NPAS3: variants seen among roughly 807,000 people sequenced by gnomAD.
The protein encoded by NPAS3 is neuronal PAS domain-containing protein 3.
In NPAS3, 14 loss-of-function variants were observed where a neutral mutation model predicts 73.1. The ratio of observed to expected loss-of-function variants is 0.19; its 90% confidence interval spans 0.13 to 0.30. The LOEUF is 0.30. NPAS3 is among the 10% of genes least tolerant of loss of function. The pLI, the probability that NPAS3 is intolerant of heterozygous loss-of-function variation, is 1.00. For synonymous variants in NPAS3, 620 were observed against 541.5 expected, an observed-to-expected ratio of 1.14 and a Z score of -2.01; for missense variants, 1,096 against 1,250.0, an observed-to-expected ratio of 0.88 and a Z score of 1.86.
intron 2 of NPAS3, among the ~76,000 whole-genome samples, chr14:33,164,854 TC>T (rs2045062218): frequency 6.7e-6 from 1 of 150,044 alleles, no homozygotes; most frequent in African/African-American, 2.5e-5. Context: ...TTTTTTTTTT[TC>T]CTGTCAATTC....
At chr14:33,574,071 A>G (rs929756525) in intron 5 of NPAS3, among the ~76,000 whole-genome samples, 8 of 152,214 alleles carry the variant, frequency 5.3e-5, no homozygotes, top group Non-Finnish European at 8.8e-5. Context: ...TCAGAGCTCA[A>G]GAGAGGTTGG....
At chr14:33,126,083 T>G (rs951477803) in intron 2 of NPAS3, among the ~76,000 whole-genome samples, 1 of 152,198 alleles carries the variant, frequency 6.6e-6, no homozygotes, top group African/African-American at 2.4e-5. Flanking sequence ...AACTGGCAAC[T>G]TTAAGAGCCC....
intron 8 of NPAS3, 82 bp from the exon 9 acceptor site, chr14:33,778,384 A>T: frequency 1.0e-6 from 1 of 982,940 alleles, no homozygotes; most frequent in Non-Finnish European, 1.6e-6. Context: ...GAAATGTGTC[A>T]GTAGAACTGT....
chr14:33,061,001 G>A (rs2041077015), intron 2 of NPAS3, among the ~76,000 whole-genome samples: 1 of 152,204 alleles, frequency 6.6e-6, no homozygotes, highest in African/African-American at 2.4e-5. Context: ...AACCAAAAGA[G>A]GGAAGGAATT....
intron 1 of NPAS3, among the ~76,000 whole-genome samples, chr14:33,014,159 G>T (rs2039311533): frequency 1.3e-5 from 2 of 151,914 alleles, no homozygotes; most frequent in African/African-American, 4.8e-5. Context: ...AATAGGCAAA[G>T]AAAAAAATGT....
chr14:33,376,193 A>G lies in NPAS3; in HGVS notation c.468+8925A>G, dbSNP rs553508772. Among the ~76,000 whole-genome samples the G allele has an allele frequency of 3.9e-5, 6 of 152,298 alleles. No individual in the cohort carries two copies. In the East Asian group the frequency reaches 9.6e-4, roughly 24 times the overall value. On this transcript the variant is annotated intron_variant, in intron 4 of 11. Coordinates refer to ENST00000356141, the Ensembl canonical transcript of NPAS3. ...TTTGGATGTTAATCCTAAGGGGAAAAGTATAATTTCTTATTCAAAATTAAC... is the reference window on the plus strand; with the variant it reads ...TTTGGATGTTAATCCTAAGGGGAAAGGTATAATTTCTTATTCAAAATTAAC...
At chr14:33,663,584 C>G (rs1025858755) in intron 5 of NPAS3, among the ~76,000 whole-genome samples, 3 of 152,086 alleles carry the variant, frequency 2.0e-5, no homozygotes, top group African/African-American at 7.2e-5. Flanking sequence ...GGAGGAGTCT[C>G]TCTTTCTATT....
chr14:33,034,231 C>T (rs1430460922), intron 1 of NPAS3, among the ~76,000 whole-genome samples: 1 of 151,660 alleles, frequency 6.6e-6, no homozygotes, highest in Non-Finnish European at 1.5e-5. Context: ...AGCTAAATTA[C>T]AATATGTTTC....
chr14:32,958,646 T>G (rs2139200697), intron 1 of NPAS3, among the ~76,000 whole-genome samples: 1 of 152,332 alleles, frequency 6.6e-6, no homozygotes, highest in East Asian at 1.9e-4. Flanking sequence ...TCTCTCTCCT[T>G]GTCTCTAAAC....
At chr14:33,282,592 A>G (rs1480723478) in intron 3 of NPAS3, among the ~76,000 whole-genome samples, 1 of 152,224 alleles carries the variant, frequency 6.6e-6, no homozygotes, top group Non-Finnish European at 1.5e-5. Context: ...TGGATAAATC[A>G]GCCGGGCTGC....
chr14:33,401,692 A>G (rs148809450), intron 4 of NPAS3, among the ~76,000 whole-genome samples: 31 of 152,248 alleles, frequency 2.0e-4, no homozygotes, highest in African/African-American at 6.7e-4. Context: ...ACTATAAAAT[A>G]TATCTATTCA....
intron 6 of NPAS3, among the ~76,000 whole-genome samples, chr14:33,733,874 T>C (rs1003403757): frequency 2.6e-5 from 4 of 152,078 alleles, no homozygotes; most frequent in Non-Finnish European, 4.4e-5. Flanking sequence ...TAGGAAAACA[T>C]AGTCATGTTA....
chr14:33,465,718 C>G (rs887583565), intron 4 of NPAS3, among the ~76,000 whole-genome samples: 1 of 152,060 alleles, frequency 6.6e-6, no homozygotes, highest in Non-Finnish European at 1.5e-5. Context: ...ATGGCCATTA[C>G]GCTCTTTTAT....
At chr14:33,319,518 AGTGGCAT>A (rs1594681083) in intron 3 of NPAS3, among the ~76,000 whole-genome samples, 1 of 152,178 alleles carries the variant, frequency 6.6e-6, no homozygotes, top group East Asian at 1.9e-4. Context: ...GAAGAAGGAA[AGTGGCAT>A]GTATGAAGGA....
intron 4 of NPAS3, among the ~76,000 whole-genome samples, chr14:33,392,755 G>A (rs957954310): frequency 6.6e-5 from 10 of 152,064 alleles, no homozygotes; most frequent in East Asian, 1.9e-4. Flanking sequence ...ATCACCGCTC[G>A]TGTTACCCTT....
chr14:33,654,100 A>G (rs1436944030), intron 5 of NPAS3, among the ~76,000 whole-genome samples: 1 of 152,182 alleles, frequency 6.6e-6, no homozygotes, highest in Non-Finnish European at 1.5e-5. Flanking sequence ...GATAAGATAC[A>G]ATGTTTAGTT....
intron 3 of NPAS3, among the ~76,000 whole-genome samples, chr14:33,224,544 G>A (rs201214857): frequency 1.3e-5 from 2 of 151,738 alleles, no homozygotes; most frequent in Non-Finnish European, 2.9e-5. Context: ...TATTTTTTTT[G>A]TTAAAAGACC....
intron 2 of NPAS3, among the ~76,000 whole-genome samples, chr14:33,184,378 T>A (rs568484030): frequency 6.6e-6 from 1 of 152,154 alleles, no homozygotes; most frequent in Non-Finnish European, 1.5e-5. Flanking sequence ...GGAGTATCAG[T>A]TCAAGGAGCG....
chr14:33,041,065 T>C (rs893187572), intron 1 of NPAS3, among the ~76,000 whole-genome samples: 6 of 152,138 alleles, frequency 3.9e-5, no homozygotes, highest in African/African-American at 1.2e-4. Context: ...CCAGAGCTTA[T>C]TGGTGTGGAA....
Sources: gnomAD v4.1 joint callset for allele counts (sites outside exome capture counted in the v4.1 genomes callset) on GRCh38, gnomAD v4.1.1 for gene constraint, MANE v1.5 for transcripts, NCBI Gene and HGNC (gene_info 2026-07-23, HGNC 2026-07-21) for gene names.